The following LRRC56 variants were observed in gnomAD, a reference collection of about 807,000 sequenced individuals.
LRRC56 encodes leucine rich repeat containing 56, also known as leucine-rich repeat-containing protein 56.
In LRRC56, 41 loss-of-function variants were observed where a neutral mutation model predicts 47.8. That is an observed-to-expected ratio of 0.86 (90% CI 0.67 to 1.11). The LOEUF is 1.11. Ranked by LOEUF, LRRC56 falls within the 50% of genes most tolerant of loss-of-function variation. The probability of loss-of-function intolerance (pLI) is 0.00; values close to 1 mark genes in which losing one functional copy is unlikely to be tolerated. For synonymous variants in LRRC56, 387 were observed against 311.2 expected (o/e 1.24, Z -2.56); for missense variants, 759 against 704.2 (o/e 1.08, Z -0.88).
the LRRC56 span, among the ~76,000 whole-genome samples, chr11:524,468 C>T: frequency 1.3e-5 from 2 of 151,694 alleles, no homozygotes; most frequent in Admixed American, 6.6e-5. Context: ...CCCGTCTCTA[C>T]TAAAAATACA....
In LRRC56 at chr11:541,577, C is replaced by A. The variant is rs749620469; in HGVS notation, c.218C>A (p.Thr73Lys). 5 of 1,590,818 alleles carry A rather than the reference C, an allele frequency of 3.1e-6. No homozygotes were observed. Among genetic ancestry groups the A allele is most frequent in the Non-Finnish European group, 3.4e-6 (4 of 1,167,412 alleles). The change falls in exon 5 of 14, where the codon ACG (threonine) becomes AAG (lysine). Residue 73 changes from threonine to lysine, a missense_variant. Transcript: ENST00000270115. The surrounding 1 kb of genome is among the most constrained non-coding windows in gnomAD (Gnocchi z 4.1). The part of the protein sequence containing the change: ...ARVDDLRLVR[T>K]LEMCVDTREG... The stretch of plus-strand genomic sequence containing the variant: ...GTGGATGACCTTCGGCTGGTGAGGA[C>A]GCTGGAGATGTGTGTGGACACTCGT...
chr11:517,112 G>C, the LRRC56 span, among the ~76,000 whole-genome samples: 2 of 152,246 alleles, frequency 1.3e-5, no homozygotes, highest in African/African-American at 2.4e-5. Context: ...GGCCTCCCGG[G>C]GTGCTGGGAT....
Position 539,248 on chromosome 11 carries a change from CTA to C in LRRC56, c.-158-330_-158-329del, listed in dbSNP as rs574761477. Among the ~76,000 whole-genome samples the C allele has an allele frequency of 3.9e-3, 583 of 149,494 alleles. 4 individuals carry two copies. The highest frequency in any genetic ancestry group is 0.018 in the Middle Eastern group (5 of 280). ...GGCGTCCGCCACCACGCCTGGCTAA[CTA>C]TGTTTTTTGTATCTTTAGTAGAGAT... On this transcript the variant is annotated intron_variant, in intron 2 of 13. Coordinates refer to ENST00000270115, the MANE Select transcript of LRRC56 (RefSeq NM_198075.4).
chr11:527,881 T>C, the LRRC56 span, among the ~76,000 whole-genome samples: 5 of 152,048 alleles, frequency 3.3e-5, no homozygotes, highest in African/African-American at 1.2e-4. Context: ...TGTATTTTTT[T>C]AGTAGAGACA....
chr11:553,439 A>T (rs1487670530), intron 13 of LRRC56, among the ~76,000 whole-genome samples: 1 of 152,058 alleles, frequency 6.6e-6, no homozygotes, highest in Non-Finnish European at 1.5e-5. Context: ...GGGCAGACAG[A>T]GGGGTCAACA....
rs1482687258 is a variant in LRRC56, at chr11:554,366, T to G, written c.*90T>G. On this transcript the variant is annotated 3_prime_UTR_variant, in exon 14 of 14. Transcript: ENST00000270115. ...AGCACAGAATACCTGGGCGGGTGTG[T>G]TGGGGGGTGGAAGGAGTGCCTGGCC... 62 of 1,205,534 alleles carry G rather than the reference T, an allele frequency of 5.1e-5. 1 individual carries two copies. The highest frequency in any genetic ancestry group is 6.7e-5 in the Non-Finnish European group (62 of 919,108). The allele number at this position is 1,205,534 out of a possible 1,614,324, so 74.7% of individuals were successfully genotyped here.
intron 8 of LRRC56, 21 bp from the exon 9 acceptor site, chr11:551,100 GCCCTCCCTCC>G: frequency 8.0e-7 from 1 of 1,252,560 alleles, no homozygotes; most frequent in Non-Finnish European, 1.1e-6. Flanking sequence ...ACCCAGACCT[GCCCTCCCTCC>G]CCCTCCCCCT....
the LRRC56 span, among the ~76,000 whole-genome samples, chr11:525,274 T>A: frequency 6.6e-5 from 10 of 151,254 alleles, no homozygotes; most frequent in South Asian, 2.1e-4. Flanking sequence ...GCACGGTGGC[T>A]CACGCCTGTA....
At chr11:511,320 CAAAAAAA>C in the LRRC56 span, among the ~76,000 whole-genome samples, 5 of 78,484 alleles carry the variant, frequency 6.4e-5, no homozygotes, top group South Asian at 8.7e-4. Flanking sequence ...GACTCCGTCT[CAAAAAAA>C]AAAAAAAAAA....
the LRRC56 span, among the ~76,000 whole-genome samples, chr11:525,323 A>G: frequency 6.6e-6 from 1 of 151,958 alleles, no homozygotes; most frequent in South Asian, 2.1e-4. Flanking sequence ...GCGGATCACG[A>G]GGTCAGGAGA....
intron 5 of LRRC56, among the ~76,000 whole-genome samples, chr11:542,705 T>G (rs1198633981): frequency 2.0e-5 from 3 of 151,702 alleles, no homozygotes; most frequent in African/African-American, 7.3e-5. Context: ...GTCAGGCCAC[T>G]GTTCTTTTTC....
upstream of LRRC56, chr11:535,306 C>CGCTGCCGCT (rs1007825297): frequency 8.2e-5 from 12 of 146,208 alleles, no homozygotes; most frequent in Non-Finnish European, 6.1e-5. Context: ...CCGCCGCCGC[C>CGCTGCCGCT]GCCGCCGCTT....
At chr11:514,447 C>T in the LRRC56 span, among the ~76,000 whole-genome samples, 8 of 151,710 alleles carry the variant, frequency 5.3e-5, no homozygotes, top group South Asian at 1.0e-3. Flanking sequence ...CCCCCACACC[C>T]GGCTAATTTT....
Position 541,664 on chromosome 11 carries a change from C to G in LRRC56, c.265+40C>G. Reference sequence around the variant, plus strand: ...ACCCCGCCATGGCCACGGCCACGGCCACGCCTCCCTGTAAACAACACACGT... The same window carrying G: ...ACCCCGCCATGGCCACGGCCACGGCGACGCCTCCCTGTAAACAACACACGT... On this transcript the variant is annotated intron_variant, in intron 5 of 13. Coordinates refer to ENST00000270115, the MANE Select transcript of LRRC56 (RefSeq NM_198075.4). The surrounding 1 kb of genome is among the most constrained non-coding windows in gnomAD (Gnocchi z 4.1). 1 of 1,259,820 alleles carries G rather than the reference C, an allele frequency of 7.9e-7. No individual in the cohort carries two copies. Among genetic ancestry groups the G allele is most frequent in the Non-Finnish European group, 1.1e-6 (1 of 896,914 alleles). 78.0% of individuals were successfully genotyped at this position (1,259,820 alleles called of 1,614,324 possible). A position where few individuals can be genotyped will look rare whatever the true frequency, so the allele number is the denominator to read the frequency against.
At chr11:513,402 G>T in the LRRC56 span, among the ~76,000 whole-genome samples, 1 of 152,088 alleles carries the variant, frequency 6.6e-6, no homozygotes, top group Non-Finnish European at 1.5e-5. Context: ...TCTGCCCGCC[G>T]TCCGCCTCAG....
In LRRC56 at chr11:551,716, C is replaced by T. The variant is rs776047856; in HGVS notation, c.862C>T (p.Arg288Trp). 31 of 1,611,012 alleles carry T rather than the reference C, an allele frequency of 1.9e-5. No individual in the cohort carries two copies. In the Admixed American group the frequency reaches 3.0e-4, roughly 16 times the overall value. The change falls in exon 10 of 14, where the codon CGG becomes TGG. Residue 288 changes from arginine to tryptophan, a missense_variant. Transcript: ENST00000270115. Reference sequence around the variant, plus strand: ...GCTGTCCCTGCCTGAGACGCAGTCCCGGGCCTCCAGGCCCTGGCCCTTCTC... The same window carrying T: ...GCTGTCCCTGCCTGAGACGCAGTCCTGGGCCTCCAGGCCCTGGCCCTTCTC... ...PELSLPETQS[R>W]ASRPWPFSLL... is the part of the protein sequence containing the mutation.
chr11:507,190 C>T, the LRRC56 span: 1 of 152,054 alleles, frequency 6.6e-6, no homozygotes, highest in African/African-American at 2.4e-5. Flanking sequence ...GCCAGCAGAA[C>T]GGGTTGAACG....
chr11:516,463 C>T, the LRRC56 span, among the ~76,000 whole-genome samples: 3 of 152,022 alleles, frequency 2.0e-5, no homozygotes, highest in Admixed American at 1.3e-4. Flanking sequence ...TTTTCCAGAG[C>T]TGTTTTGATG....
the LRRC56 span, among the ~76,000 whole-genome samples, chr11:516,814 C>A: frequency 1.3e-5 from 2 of 152,184 alleles, no homozygotes; most frequent in East Asian, 1.9e-4. Flanking sequence ...TTGACAGAAT[C>A]CAGCAGGCTT....
Sources: allele counts gnomAD v4.1 joint callset (sites outside exome capture counted in the v4.1 genomes callset), GRCh38; gene constraint gnomAD v4.1.1; non-coding constraint Gnocchi (gnomAD v3.1); transcripts MANE v1.5; gene names NCBI Gene and HGNC (gene_info 2026-07-23, HGNC 2026-07-21).